The following SYN3 variants were observed in gnomAD, a reference collection of about 807,000 sequenced individuals.
SYN3 encodes the protein synapsin III, also known as synapsin-3.
SYN3 carries 35 observed loss-of-function variants against 65.8 expected under a neutral mutation model. That is an observed-to-expected ratio of 0.53 (90% confidence interval 0.41 to 0.70). The LOEUF is 0.70. Ranked by LOEUF, SYN3 falls within the 30% of genes least tolerant of loss-of-function variation. The pLI, the probability that SYN3 is intolerant of heterozygous loss-of-function variation, is 0.00. For missense variants in SYN3, 680 were observed against 749.0 expected, an observed-to-expected ratio of 0.91 and a Z score of 1.08; for synonymous variants, 270 against 292.9, an observed-to-expected ratio of 0.92 and a Z score of 0.80.
At chr22:32,891,128 C>T (rs1025211308) in intron 4 of SYN3, among the ~76,000 whole-genome samples, 1 of 152,098 alleles carries the variant, frequency 6.6e-6, no homozygotes, top group East Asian at 1.9e-4. Flanking sequence ...TTCTTAGGTA[C>T]CAACGAGGAG....
intron 6 of SYN3, among the ~76,000 whole-genome samples, chr22:32,807,361 T>TATAATATATAAATATATAATATATA (rs1569239658): frequency 1.4e-4 from 15 of 110,934 alleles, no homozygotes; most frequent in South Asian, 2.4e-4. Context: ...ATATAATATA[T>TATAATATATAAATATATAATATATA]AATATATATT....
intron 6 of SYN3, among the ~76,000 whole-genome samples, chr22:32,718,407 G>C (rs1003972855): frequency 6.6e-6 from 1 of 151,926 alleles, no homozygotes; most frequent in Non-Finnish European, 1.5e-5. Flanking sequence ...CTTTGAGCAA[G>C]GGGTGGTCAC....
At chr22:32,940,237 C>T (rs1220643350) in intron 3 of SYN3, among the ~76,000 whole-genome samples, 1 of 152,116 alleles carries the variant, frequency 6.6e-6, no homozygotes, top group Non-Finnish European at 1.5e-5. Context: ...AAAGGTATCT[C>T]AAAATATATT....
chr22:32,628,452 G>A (rs942099901), intron 6 of SYN3, among the ~76,000 whole-genome samples: 1 of 152,186 alleles, frequency 6.6e-6, no homozygotes, highest in Non-Finnish European at 1.5e-5. Flanking sequence ...GCTCCTGCCT[G>A]GGGATTTCTC....
At chr22:32,603,924 A>G (rs2059325067) in intron 6 of SYN3, among the ~76,000 whole-genome samples, 1 of 152,184 alleles carries the variant, frequency 6.6e-6, no homozygotes, top group Admixed American at 6.5e-5. Flanking sequence ...ATTTTGGAAA[A>G]CAGAGATCCC....
At chr22:32,757,208 G>C (rs1291682459) in intron 6 of SYN3, among the ~76,000 whole-genome samples, 2 of 151,950 alleles carry the variant, frequency 1.3e-5, no homozygotes, top group South Asian at 4.2e-4. Context: ...GTTCCAGAGG[G>C]AGGAACACTG....
At chr22:32,658,511 C>T (rs1411016609) in intron 6 of SYN3, among the ~76,000 whole-genome samples, 7 of 152,200 alleles carry the variant, frequency 4.6e-5, no homozygotes, top group Non-Finnish European at 1.0e-4. Flanking sequence ...TCCATGATGG[C>T]AAAAATACAC....
At chr22:32,705,014 T>TA in intron 6 of SYN3, among the ~76,000 whole-genome samples, 1 of 152,344 alleles carries the variant, frequency 6.6e-6, no homozygotes, top group South Asian at 2.1e-4. Context: ...TTCTGTTTAC[T>TA]AGGCTGATGG....
At chr22:32,951,323 A>G (rs978080912) in intron 3 of SYN3, among the ~76,000 whole-genome samples, 6 of 151,700 alleles carry the variant, frequency 4.0e-5, no homozygotes, top group African/African-American at 1.5e-4. Context: ...GGCCATTCAG[A>G]GTCCCTCTCA....
intron 2 of SYN3, among the ~76,000 whole-genome samples, chr22:32,987,085 G>A (rs773198871): frequency 6.6e-6 from 1 of 152,128 alleles, no homozygotes; most frequent in African/African-American, 2.4e-5. Flanking sequence ...AATCGATCCT[G>A]TATGTAGAGT....
In SYN3 at chr22:32,507,998, C is replaced by T. The variant is rs959808689; in HGVS notation, c.*5694G>A. The stretch of plus-strand genomic sequence containing the variant: ...CCCATTCTCTCTCCATACCACCCCC[C>T]AAAAATTTTCGTCGCCCCAACACTT... On this transcript the variant is annotated 3_prime_UTR_variant, in exon 14 of 14. Transcript: ENST00000358763. Among the ~76,000 whole-genome samples, 1 of 152,064 alleles carries T rather than the reference C, an allele frequency of 6.6e-6. No homozygotes were observed. Among genetic ancestry groups the T allele is most frequent in the African/African-American group, 2.4e-5 (1 of 41,382 alleles).
chr22:32,815,068 C>T (rs73158320), intron 6 of SYN3, among the ~76,000 whole-genome samples: 3 of 152,184 alleles, frequency 2.0e-5, no homozygotes, highest in Non-Finnish European at 2.9e-5. Context: ...GGACTAGTTG[C>T]GTTTCAGCTA....
At chr22:32,629,888 G>T (rs2059722363) in intron 6 of SYN3, 1 of 151,962 alleles carries the variant, frequency 6.6e-6, no homozygotes, top group Non-Finnish European at 1.5e-5. Context: ...AAATAAAAAT[G>T]AAAATGAAAT....
intron 6 of SYN3, among the ~76,000 whole-genome samples, chr22:32,627,177 C>T (rs1437803129): frequency 3.3e-5 from 5 of 150,450 alleles, no homozygotes; most frequent in Non-Finnish European, 5.9e-5. Context: ...CCTGCAACAG[C>T]GGCAGGGCTG....
chr22:32,892,497 T>G (rs545438152), intron 4 of SYN3, among the ~76,000 whole-genome samples: 4 of 152,318 alleles, frequency 2.6e-5, no homozygotes, highest in African/African-American at 7.2e-5. Context: ...TACATGCTAT[T>G]ACAAATTGTG....
At chr22:33,028,965 G>A (rs372742149) in intron 1 of SYN3, among the ~76,000 whole-genome samples, 27 of 151,936 alleles carry the variant, frequency 1.8e-4, no homozygotes, top group African/African-American at 6.3e-4. Flanking sequence ...GTGTAAACCC[G>A]GGAGGCAGAG....
chr22:32,619,136 C>T (rs1012310011), intron 6 of SYN3, among the ~76,000 whole-genome samples: 28 of 152,096 alleles, frequency 1.8e-4, no homozygotes, highest in Non-Finnish European at 4.0e-4. Context: ...CAGGCCCCAC[C>T]CCAGACCGGC....
chr22:32,989,835 C>CAAA (rs112695934), intron 2 of SYN3, among the ~76,000 whole-genome samples: 1,161 of 88,152 alleles, frequency 0.013, 33 homozygotes, highest in African/African-American at 0.023. Context: ...ACTCCATCTT[C>CAAA]AAAAAAAAAA....
At chr22:32,823,482 C>T (rs990497482) in intron 6 of SYN3, among the ~76,000 whole-genome samples, 6 of 152,142 alleles carry the variant, frequency 3.9e-5, no homozygotes, top group Non-Finnish European at 8.8e-5. Context: ...CCGTCTGTGT[C>T]CCAGCCCCAA....
Sources: gnomAD v4.1 joint callset for allele counts (sites outside exome capture counted in the v4.1 genomes callset) on GRCh38, gnomAD v4.1.1 for gene constraint, MANE v1.5 for transcripts, NCBI Gene and HGNC (gene_info 2026-07-23, HGNC 2026-07-21) for gene names.